KCNAB1: variants seen among roughly 807,000 people sequenced by gnomAD.
KCNAB1 encodes the protein potassium voltage-gated channel subfamily A regulatory beta subunit 1.
KCNAB1 carries 35 observed loss-of-function variants against 64.6 expected under a neutral mutation model. The observed-to-expected ratio is 0.54, with a 90% CI of 0.41 to 0.72. KCNAB1 has a LOEUF of 0.72. Among genes scored for constraint, KCNAB1 ranks in the 30% least tolerant of loss-of-function variants. The probability of loss-of-function intolerance (pLI) is 0.00; values close to 1 mark genes in which losing one functional copy is unlikely to be tolerated. For synonymous variants in KCNAB1, 177 were observed against 183.8 expected (o/e 0.96, Z 0.30); for missense variants, 401 against 512.9 (o/e 0.78, Z 2.11).
intron 8 of KCNAB1, among the ~76,000 whole-genome samples, chr3:156,501,937 G>T (rs981158720): frequency 8.5e-5 from 13 of 152,110 alleles, no homozygotes; most frequent in African/African-American, 3.1e-4. Context: ...AGAAACCCCT[G>T]ATAAACCTAC....
intron 1 of KCNAB1, among the ~76,000 whole-genome samples, chr3:156,313,740 G>C (rs1722085344): frequency 6.6e-6 from 1 of 152,236 alleles, no homozygotes; most frequent in African/African-American, 2.4e-5. Flanking sequence ...AAGTAAGTTG[G>C]TGTTGTTTTA....
At chr3:156,290,200 A>T (rs1458709701) in intron 1 of KCNAB1, among the ~76,000 whole-genome samples, 1 of 152,228 alleles carries the variant, frequency 6.6e-6, no homozygotes, top group Non-Finnish European at 1.5e-5. Flanking sequence ...CAACATTGTT[A>T]GTCAGACCCT....
At chr3:156,226,514 A>G (rs557501348) in intron 1 of KCNAB1, among the ~76,000 whole-genome samples, 1 of 152,318 alleles carries the variant, frequency 6.6e-6, no homozygotes, top group Non-Finnish European at 1.5e-5. Flanking sequence ...AGACGTCATG[A>G]CCAAGAACCC....
intron 1 of KCNAB1, among the ~76,000 whole-genome samples, chr3:156,404,480 G>A (rs1265520808): frequency 6.6e-6 from 1 of 152,166 alleles, no homozygotes; most frequent in African/African-American, 2.4e-5. Flanking sequence ...AGCAGCTTCT[G>A]AACGATTAAT....
chr3:156,319,363 C>T (rs1722504310), intron 1 of KCNAB1, among the ~76,000 whole-genome samples: 1 of 152,200 alleles, frequency 6.6e-6, no homozygotes, highest in Non-Finnish European at 1.5e-5. Flanking sequence ...TTGTCCTTAC[C>T]CTGGGACCCA....
chr3:156,305,331 G>T (rs969007015), intron 1 of KCNAB1, among the ~76,000 whole-genome samples: 2 of 152,182 alleles, frequency 1.3e-5, no homozygotes, highest in African/African-American at 4.8e-5. Context: ...ATCATCCCCA[G>T]TCCTAGCACG....
At chr3:156,438,310 T>A (rs935632079) in intron 2 of KCNAB1, among the ~76,000 whole-genome samples, 1 of 152,252 alleles carries the variant, frequency 6.6e-6, no homozygotes, top group Non-Finnish European at 1.5e-5. Flanking sequence ...CCACTTTTGA[T>A]GACCAATGCA....
intron 1 of KCNAB1, among the ~76,000 whole-genome samples, chr3:156,134,984 T>C (rs1430506617): frequency 6.6e-6 from 1 of 152,058 alleles, no homozygotes; most frequent in Non-Finnish European, 1.5e-5. Context: ...TATAAACAGA[T>C]TTAGTTTTCT....
chr3:156,158,021 C>T (rs968210473), intron 1 of KCNAB1, among the ~76,000 whole-genome samples: 1 of 151,458 alleles, frequency 6.6e-6, no homozygotes, highest in Non-Finnish European at 1.5e-5. Context: ...AAAAATTAGC[C>T]GGGTGCGGTG....
At chr3:156,152,054 A>G (rs1577644680) in intron 1 of KCNAB1, among the ~76,000 whole-genome samples, 1 of 152,154 alleles carries the variant, frequency 6.6e-6, no homozygotes, top group Admixed American at 6.5e-5. Flanking sequence ...TCTCCTGGAT[A>G]TTGTTACCGT....
chr3:156,184,799 C>G (rs1443035053), intron 1 of KCNAB1, among the ~76,000 whole-genome samples: 1 of 152,156 alleles, frequency 6.6e-6, no homozygotes, highest in African/African-American at 2.4e-5. Flanking sequence ...AGTGTATCCC[C>G]TCCTTCCCCA....
At chr3:156,395,434 A>G (rs1713361976) in intron 1 of KCNAB1, among the ~76,000 whole-genome samples, 1 of 148,590 alleles carries the variant, frequency 6.7e-6, no homozygotes. Flanking sequence ...AGTCCCAGCT[A>G]CTTGGGAGGC....
intron 1 of KCNAB1, among the ~76,000 whole-genome samples, chr3:156,298,932 A>C (rs1357264732): frequency 6.6e-6 from 1 of 152,234 alleles, no homozygotes; most frequent in Non-Finnish European, 1.5e-5. Flanking sequence ...AAGTCCTTTA[A>C]ATTTTCATTT....
At chr3:156,384,900 G>A (rs879678674) in intron 1 of KCNAB1, among the ~76,000 whole-genome samples, 1 of 152,132 alleles carries the variant, frequency 6.6e-6, no homozygotes, top group African/African-American at 2.4e-5. Flanking sequence ...AAAAAGCATG[G>A]GAAGGAGGGT....
chr3:156,157,557 A>G (rs1412229576), intron 1 of KCNAB1, among the ~76,000 whole-genome samples: 6 of 152,198 alleles, frequency 3.9e-5, no homozygotes, highest in Admixed American at 1.3e-4. Context: ...TGACAACTGG[A>G]AATGTCCCTT....
rs144388581 is a variant in KCNAB1 at position 156,389,809 on chromosome 3, G to A, written c.276-31807G>A. Among the ~76,000 whole-genome samples, 505 of 152,286 alleles carry A rather than the reference G, an allele frequency of 3.3e-3. 1 individual carries two copies. The highest frequency in any genetic ancestry group is 5.6e-3 in the Non-Finnish European group (380 of 68,018). ...AATGGTTATTCTATACTAGTGGTTGGCAAACTATAGCCACTTGTCCAAATA... is the reference window on the plus strand; with the variant it reads ...AATGGTTATTCTATACTAGTGGTTGACAAACTATAGCCACTTGTCCAAATA... On this transcript the variant is annotated intron_variant, in intron 1 of 13. Coordinates refer to ENST00000490337, the MANE Select transcript of KCNAB1 (RefSeq NM_172160.3).
intron 1 of KCNAB1, among the ~76,000 whole-genome samples, chr3:156,209,777 AT>A (rs2108392262): frequency 6.6e-6 from 1 of 152,350 alleles, no homozygotes; most frequent in African/African-American, 2.4e-5. Flanking sequence ...CAAAGAGTTT[AT>A]TCTCTTATCA....
At chr3:156,396,603 G>A (rs1357542941) in intron 1 of KCNAB1, among the ~76,000 whole-genome samples, 1 of 152,158 alleles carries the variant, frequency 6.6e-6, no homozygotes, top group African/African-American at 2.4e-5. Context: ...TGGACCCAAA[G>A]AACATCGTAG....
chr3:156,357,408 T>C (rs1725330753), intron 1 of KCNAB1, among the ~76,000 whole-genome samples: 1 of 152,232 alleles, frequency 6.6e-6, no homozygotes, highest in South Asian at 2.1e-4. Context: ...CTCAATTTCT[T>C]GCTTTTTGTA....
Sources: gnomAD v4.1 joint callset for allele counts (sites outside exome capture counted in the v4.1 genomes callset) on GRCh38, gnomAD v4.1.1 for gene constraint, MANE v1.5 for transcripts, NCBI Gene and HGNC (gene_info 2026-07-23, HGNC 2026-07-21) for gene names.